IRF2BPL: variants seen among roughly 807,000 people sequenced by gnomAD.
IRF2BPL encodes probable E3 ubiquitin-protein ligase IRF2BPL.
A neutral mutation model predicts 51.2 loss-of-function variants in IRF2BPL; 13 were observed. That is an observed-to-expected ratio of 0.25 (90% CI 0.17 to 0.40). IRF2BPL has a LOEUF of 0.40. IRF2BPL is among the 10% of genes least tolerant of loss of function. The pLI is 1.00. For missense variants in IRF2BPL, 1,210 were observed against 1,111.8 expected (o/e 1.09, Z -1.26); for synonymous variants, 768 against 509.2 (o/e 1.51, Z -6.84).
Position 77,025,318 on chromosome 14 carries a change from G to C in IRF2BPL, c.*84C>G. Reference sequence around the variant, plus strand: ...ATTCTACACCTTGGGGGTGAGGGGAGGGAGGGTCGAGTTGGGTTGGGGGAG... The same window carrying C: ...ATTCTACACCTTGGGGGTGAGGGGACGGAGGGTCGAGTTGGGTTGGGGGAG... On this transcript the variant is annotated 3_prime_UTR_variant, in exon 1 of 1. Coordinates refer to ENST00000238647, the MANE Select transcript of IRF2BPL (RefSeq NM_024496.4). 1.1e-6 allele frequency: 1 copy of C among 942,606 alleles called. No homozygotes were observed. The highest frequency in any genetic ancestry group is 1.6e-6 in the Non-Finnish European group (1 of 636,980). The allele number at this position is 942,606 out of a possible 1,614,324, so 58.4% of individuals were successfully genotyped here.
Position 77,027,723 on chromosome 14 carries a change from A to G in IRF2BPL, c.70T>C (p.Trp24Arg). Residue 24 changes from tryptophan to arginine, a missense_variant, in exon 1 of 1, where the codon TGG (tryptophan) becomes CGG (arginine). Physicochemically the swap from Trp to Arg is moderately radical, Grantham distance 101. Transcript: ENST00000238647. ...TCCGAGAAGTCCCAGATCATGGCCC[A>G]GGGCATGCGGGGCAGGTCGCACAGG... ...CYLCDLPRMP[W>R]AMIWDFSEPV... 6.2e-7 allele frequency: 1 copy of G among 1,607,922 alleles called. No individual in the cohort carries two copies. Among genetic ancestry groups the G allele is most frequent in the African/African-American group, 1.3e-5 (1 of 74,332 alleles).
In IRF2BPL at chr14:77,028,437, C is replaced by A; in HGVS notation, c.-645G>T. ...ACTGGGTTTGCACCCCGGAGGGAGC[C>A]GCCGCGGCCACTGCTTCCAGGACGC... On this transcript the variant is annotated 5_prime_UTR_variant, in exon 1 of 1. Coordinates refer to ENST00000238647, the MANE Select transcript of IRF2BPL (RefSeq NM_024496.4). The A allele has an allele frequency of 3.5e-6, 1 of 284,874 alleles. No homozygotes were observed. The allele number at this position is 284,874 out of a possible 1,614,324, so 17.6% of individuals were successfully genotyped here. A position where few individuals can be genotyped will look rare whatever the true frequency, so the allele number is the denominator to read the frequency against.
rs999512162 is a variant in IRF2BPL at position 77,026,999 on chromosome 14, G to A, written c.794C>T (p.Pro265Leu). 9 of 1,502,376 alleles carry A rather than the reference G, an allele frequency of 6.0e-6. No homozygotes were observed. The highest frequency in any genetic ancestry group is 2.1e-5 in the Admixed American group (1 of 46,566). The allele number at this position is 1,502,376 out of a possible 1,614,324, so 93.1% of individuals were successfully genotyped here. The change falls in exon 1 of 1, where the codon CCG becomes CTG. Residue 265 changes from proline to leucine, a missense_variant. By Grantham distance (98) the Pro-to-Leu change is moderately conservative (BLOSUM62 -3). Transcript: ENST00000238647. ...TGGGGGGAGTACCGCAGCGCTGGCC[G>A]GGCCGTTAAGCAGCGTCTGCGGTAG... ...NLLPQTLLNG[P>L]ASAAVLPPPP...
In IRF2BPL at chr14:77,025,941, G is replaced by T. The variant is rs1280506270; in HGVS notation, c.1852C>A (p.Gln618Lys). Reference protein sequence around the residue: ...NRTTPPESAPQNGPSPMAALM... With the variant: ...NRTTPPESAPKNGPSPMAALM... Reference sequence around the variant, plus strand: ...GCGGCCATAGGGGACGGACCGTTCTGGGGGGCTGACTCAGGTGGGGTGGTC... The same window carrying T: ...GCGGCCATAGGGGACGGACCGTTCTTGGGGGCTGACTCAGGTGGGGTGGTC... Residue 618 changes from glutamine to lysine, a missense_variant, in exon 1 of 1, where the codon CAG becomes AAG. Physicochemically the swap from Gln to Lys is moderately conservative, Grantham distance 53. Transcript: ENST00000238647. 1 of 1,608,424 alleles carries T rather than the reference G, an allele frequency of 6.2e-7. No individual in the cohort carries two copies. The highest frequency in any genetic ancestry group is 8.5e-7 in the Non-Finnish European group (1 of 1,178,044).
In IRF2BPL at chr14:77,027,326, G is replaced by T. The variant is rs779965093; in HGVS notation, c.467C>A (p.Ala156Asp). The T allele has an allele frequency of 6.5e-7, 1 of 1,533,172 alleles. No homozygotes were observed. 95.0% of individuals were successfully genotyped at this position (1,533,172 alleles called of 1,614,324 possible). A position where few individuals can be genotyped will look rare whatever the true frequency, so the allele number is the denominator to read the frequency against. The change falls in exon 1 of 1, where the codon GCC (alanine) becomes GAC (aspartate). Residue 156 changes from alanine (A) to aspartate (D), a missense_variant. By Grantham distance (126) the Ala-to-Asp change is moderately radical. Transcript: ENST00000238647. ...LERYGLSAAA[A>D]AAAAAAAAVE... ...CGCAGCGGCGGCGGCGGCGGCGGCGGCGGCGGCAGCGCTTAGGCCGTAGCG... is the reference window on the plus strand; with the variant it reads ...CGCAGCGGCGGCGGCGGCGGCGGCGTCGGCGGCAGCGCTTAGGCCGTAGCG...
Position 77,027,876 on chromosome 14 carries a change from G to C in IRF2BPL, c.-84C>G. On this transcript the variant is annotated 5_prime_UTR_variant, in exon 1 of 1. Transcript: ENST00000238647. ...TCCGGGAGGACTGGCCGGCTGGGGA[G>C]GGAGTCCGACTGCGGGGGAGGGAGG... 1.4e-6 allele frequency: 2 copies of C among 1,404,634 alleles called. No individual in the cohort carries two copies. Among genetic ancestry groups the C allele is most frequent in the South Asian group, 1.5e-5 (1 of 66,430 alleles). 87.0% of individuals were successfully genotyped at this position (1,404,634 alleles called of 1,614,324 possible). A position where few individuals can be genotyped will look rare whatever the true frequency, so the allele number is the denominator to read the frequency against.
At position 77,025,935 on chromosome 14, in the gene IRF2BPL, C is replaced by G; in HGVS notation, c.1858G>C (p.Gly620Arg). The G allele has an allele frequency of 6.2e-7, 1 of 1,609,268 alleles. No individual in the cohort carries two copies. The highest frequency in any genetic ancestry group is 8.5e-7 in the Non-Finnish European group (1 of 1,178,448). Residue 620 changes from glycine (G) to arginine (R), a missense_variant, in exon 1 of 1, where the codon GGT becomes CGT. Coordinates refer to ENST00000238647, the MANE Select transcript of IRF2BPL (RefSeq NM_024496.4). ...TTPPESAPQN[G>R]PSPMAALMSV... ...ATGAGAGCGGCCATAGGGGACGGACCGTTCTGGGGGGCTGACTCAGGTGGG... is the reference window on the plus strand; with the variant it reads ...ATGAGAGCGGCCATAGGGGACGGACGGTTCTGGGGGGCTGACTCAGGTGGG...
Position 77,028,567 on chromosome 14 carries a change from C to T in IRF2BPL, c.-775G>A. The T allele has an allele frequency of 2.6e-6, 1 of 379,650 alleles. No individual in the cohort carries two copies. Among genetic ancestry groups the T allele is most frequent in the Non-Finnish European group, 4.7e-6 (1 of 213,688 alleles). The allele number at this position is 379,650 out of a possible 1,614,324, so 23.5% of individuals were successfully genotyped here. On this transcript the variant is annotated 5_prime_UTR_variant, in exon 1 of 1. Transcript: ENST00000238647. Reference sequence around the variant, plus strand: ...GGCGGCGCTCACGTTGGCTGCAGGGCGCTCGCGCGGCGCCTCGGCCCGGGT... The same window carrying T: ...GGCGGCGCTCACGTTGGCTGCAGGGTGCTCGCGCGGCGCCTCGGCCCGGGT...
At position 77,026,216 on chromosome 14, in the gene IRF2BPL, GC is replaced by G; in HGVS notation, c.1576del (p.Ala526ProfsTer33). The stretch of plus-strand genomic sequence containing the variant: ...GCCCGACGGCGCGGCGGGCGGCAAG[GC>G]CCCGGTCCCCGGGGGTGCGCTGGGG... ...RAPSAPPGTG[A>X]LPPAAPSGRG... On this transcript the variant is annotated frameshift_variant, in exon 1 of 1. Transcript: ENST00000238647. LOFTEE classifies it high-confidence loss of function. The G allele has an allele frequency of 7.2e-7, 1 of 1,398,400 alleles. No homozygotes were observed. Among genetic ancestry groups the G allele is most frequent in the East Asian group, 2.9e-5 (1 of 34,862 alleles). The allele number at this position is 1,398,400 out of a possible 1,614,324, so 86.6% of individuals were successfully genotyped here. A position where few individuals can be genotyped will look rare whatever the true frequency, so the allele number is the denominator to read the frequency against.
chr14:77,027,511 T>TGCC lies in IRF2BPL; in HGVS notation c.281_282insGGC (p.Ala102dup). ...GCGCGGCGGCGGCGGCGGCCGCCGC[T>TGCC]GCTGCCGCCGCCGCCGCCGCTTCCT... On this transcript the variant is annotated inframe_insertion, in exon 1 of 1. Transcript: ENST00000238647. 3.2e-6 allele frequency: 2 copies of TGCC among 623,602 alleles called. No individual in the cohort carries two copies. Among genetic ancestry groups the TGCC allele is most frequent in the Non-Finnish European group, 4.0e-6 (2 of 495,536 alleles). 38.6% of individuals were successfully genotyped at this position (623,602 alleles called of 1,614,324 possible). A position where few individuals can be genotyped will look rare whatever the true frequency, so the allele number is the denominator to read the frequency against.
rs537113727 is a variant in IRF2BPL at position 77,027,812 on chromosome 14, G to T, written c.-20C>A. ...CGACATGATGCCTGCCCTGGGGAAG[G>T]TAGGCCCCCGCCCGGGCTGTCTCCG... On this transcript the variant is annotated 5_prime_UTR_variant, in exon 1 of 1. Transcript: ENST00000238647. 1.5e-5 allele frequency: 22 copies of T among 1,510,982 alleles called. No homozygotes were observed. Among genetic ancestry groups the T allele is most frequent in the African/African-American group, 2.8e-5 (2 of 70,732 alleles). 93.6% of individuals were successfully genotyped at this position (1,510,982 alleles called of 1,614,324 possible). A position where few individuals can be genotyped will look rare whatever the true frequency, so the allele number is the denominator to read the frequency against.
In IRF2BPL at chr14:77,027,631, C is replaced by T. The variant is rs371105958; in HGVS notation, c.162G>A (p.Ala54=). The T allele has an allele frequency of 8.1e-6, 13 of 1,608,558 alleles. No homozygotes were observed. Among genetic ancestry groups the T allele is most frequent in the Non-Finnish European group, 1.1e-5 (13 of 1,178,222 alleles). The change falls in exon 1 of 1, where the codon GCG becomes GCA. Residue 54 remains alanine (A), a synonymous_variant. Coordinates refer to ENST00000238647, the MANE Select transcript of IRF2BPL (RefSeq NM_024496.4). ...ADRIEFVIET[A]RQLKRAHGCF... ...AGCCGTGCGCCCGCTTCAGCTGGCG[C>T]GCTGTCTCGATCACGAATTCGATGC...
At position 77,026,358 on chromosome 14, in the gene IRF2BPL, G is replaced by A; in HGVS notation, c.1435C>T (p.Pro479Ser). Residue 479 changes from proline to serine, a missense_variant, in exon 1 of 1, where the codon CCC becomes TCC. Physicochemically the swap from Pro to Ser is moderately conservative, Grantham distance 74. Transcript: ENST00000238647. ...GDWRLLGDLLPEAVRFFKEGV... is the reference protein window; with the variant it reads ...GDWRLLGDLLSEAVRFFKEGV... ...TCCTTGAAGAAGCGCACGGCTTCGG[G>A]GAGCAGGTCTCCAAGCAGGCGCCAG... 6.2e-7 allele frequency: 1 copy of A among 1,610,154 alleles called. No homozygotes were observed. The highest frequency in any genetic ancestry group is 8.5e-7 in the Non-Finnish European group (1 of 1,178,688).
In IRF2BPL at chr14:77,026,295, G is replaced by C. The variant is rs1447484051; in HGVS notation, c.1498C>G (p.Leu500Val). 3.9e-6 allele frequency: 6 copies of C among 1,532,738 alleles called. No individual in the cohort carries two copies. Among genetic ancestry groups the C allele is most frequent in the Non-Finnish European group, 5.3e-6 (6 of 1,141,296 alleles). 94.9% of individuals were successfully genotyped at this position (1,532,738 alleles called of 1,614,324 possible). A position where few individuals can be genotyped will look rare whatever the true frequency, so the allele number is the denominator to read the frequency against. ...GGCAGCATGGGACAGCTGGCGTCCA[G>C]GTAGGGCTGGGGCAGCATGTCGGCG... ...PGADMLPQPYLDASCPMLPTA... is the reference protein window; with the variant it reads ...PGADMLPQPYVDASCPMLPTA... The change falls in exon 1 of 1, where the codon CTG (leucine) becomes GTG (valine). Residue 500 changes from leucine (L) to valine (V), a missense_variant. Physicochemically the swap from Leu to Val is conservative, Grantham distance 32. Coordinates refer to ENST00000238647, the MANE Select transcript of IRF2BPL (RefSeq NM_024496.4).
chr14:77,027,745 C>T lies in IRF2BPL; in HGVS notation c.48G>A (p.Leu16=), dbSNP rs1182800711. Residue 16 remains leucine, a synonymous_variant, in exon 1 of 1, where the codon CTG becomes CTA. Coordinates refer to ENST00000238647, the MANE Select transcript of IRF2BPL (RefSeq NM_024496.4). ...VSSSRRQSCY[L]CDLPRMPWAM... is the part of the protein sequence containing the mutation. ...CCCAGGGCATGCGGGGCAGGTCGCA[C>T]AGGTAGCAAGATTGTCTCCGGGACG... The T allele has an allele frequency of 6.2e-7, 1 of 1,603,940 alleles. No individual in the cohort carries two copies. The highest frequency in any genetic ancestry group is 8.5e-7 in the Non-Finnish European group (1 of 1,175,436).
chr14:77,025,517 G>A lies in IRF2BPL; in HGVS notation c.2276C>T (p.Pro759Leu). The change falls in exon 1 of 1, where the codon CCC (proline) becomes CTC (leucine). Residue 759 changes from proline (P) to leucine (L), a missense_variant. Physicochemically the swap from Pro to Leu is moderately conservative, Grantham distance 98. Transcript: ENST00000238647. ...AQGATGEVYC[P>L]SGEKCPLVGS... ...GACTAGGGGGCATTTCTCTCCGCTG[G>A]GGCAATACACCTCGCCGGTGGCCCC... is the stretch of plus-strand genomic sequence containing the variant. 1 of 1,613,950 alleles carries A rather than the reference G, an allele frequency of 6.2e-7. No individual in the cohort carries two copies. Among genetic ancestry groups the A allele is most frequent in the Non-Finnish European group, 8.5e-7 (1 of 1,179,918 alleles).
rs769044720 is a variant in IRF2BPL, at chr14:77,027,301, CGCAGCG to C, written c.486_491del (p.Ala163_Ala164del). On this transcript the variant is annotated inframe_deletion, in exon 1 of 1. Coordinates refer to ENST00000238647, the MANE Select transcript of IRF2BPL (RefSeq NM_024496.4). Reference sequence around the variant, plus strand: ...ACTCGAAGCGGCTGCGCTGTTCCACCGCAGCGGCGGCGGCGGCGGCGGCGGCGGCGG... The same window carrying C: ...ACTCGAAGCGGCTGCGCTGTTCCACCGCGGCGGCGGCGGCGGCGGCGGCGG... 9.6e-5 allele frequency: 147 copies of C among 1,525,316 alleles called. 1 individual carries two copies. The highest frequency in any genetic ancestry group is 2.4e-4 in the East Asian group (10 of 41,466). The allele number at this position is 1,525,316 out of a possible 1,614,324, so 94.5% of individuals were successfully genotyped here.
chr14:77,026,768 C>A lies in IRF2BPL; in HGVS notation c.1025G>T (p.Arg342Leu). Residue 342 changes from arginine to leucine, a missense_variant, in exon 1 of 1, where the codon CGC (arginine) becomes CTC (leucine). Coordinates refer to ENST00000238647, the MANE Select transcript of IRF2BPL (RefSeq NM_024496.4). ...PGSVSSTDQE[R>L]ELKEKQRNAE... The stretch of plus-strand genomic sequence containing the variant: ...GTTGCGCTGCTTCTCCTTCAACTCG[C>A]GCTCCTGGTCTGTGCTCGACACCGA... 1 of 1,612,600 alleles carries A rather than the reference C, an allele frequency of 6.2e-7. No individual in the cohort carries two copies. Among genetic ancestry groups the A allele is most frequent in the Non-Finnish European group, 8.5e-7 (1 of 1,179,826 alleles).
In IRF2BPL at chr14:77,028,440, C is replaced by G. The variant is rs544588831; in HGVS notation, c.-648G>C. 267 of 287,238 alleles carry G rather than the reference C, an allele frequency of 9.3e-4. 1 individual carries two copies. Among genetic ancestry groups the G allele is most frequent in the African/African-American group, 5.7e-3 (255 of 44,672 alleles). 17.8% of individuals were successfully genotyped at this position (287,238 alleles called of 1,614,324 possible). On this transcript the variant is annotated 5_prime_UTR_variant, in exon 1 of 1. Transcript: ENST00000238647. ...GGGTTTGCACCCCGGAGGGAGCCGCCGCGGCCACTGCTTCCAGGACGCACG... is the reference window on the plus strand; with the variant it reads ...GGGTTTGCACCCCGGAGGGAGCCGCGGCGGCCACTGCTTCCAGGACGCACG...
Sources: gnomAD v4.1 joint callset for allele counts on GRCh38, gnomAD v4.1.1 for gene constraint, MANE v1.5 for transcripts, NCBI Gene and HGNC (gene_info 2026-07-23, HGNC 2026-07-21) for gene names.